The following SLC16A7 variants were observed in gnomAD, a reference collection of about 807,000 sequenced individuals.
SLC16A7 encodes the protein monocarboxylate transporter 2.
In SLC16A7, 33 loss-of-function variants were observed where a neutral mutation model predicts 34.9. The ratio of observed to expected loss-of-function variants is 0.94; its 90% confidence interval spans 0.72 to 1.26. SLC16A7 has a LOEUF of 1.26. Ranked by LOEUF, SLC16A7 falls within the 50% of genes most tolerant of loss-of-function variation. The probability of loss-of-function intolerance (pLI) is 0.00; values close to 1 mark genes in which losing one functional copy is unlikely to be tolerated. For missense variants in SLC16A7, 573 were observed against 578.1 expected, an observed-to-expected ratio of 0.99 and a Z score of 0.09; for synonymous variants, 201 against 206.6, an observed-to-expected ratio of 0.97 and a Z score of 0.23.
intron 3 of SLC16A7, among the ~76,000 whole-genome samples, chr12:59,750,423 A>G (rs988687215): frequency 6.6e-6 from 1 of 152,260 alleles, no homozygotes; most frequent in Non-Finnish European, 1.5e-5. Context: ...ACACTTCTCA[A>G]AAGAAGACAT....
At position 59,786,091 on chromosome 12, in the gene SLC16A7, C is replaced by T. The variant is rs1192058293; in HGVS notation, c.*6412C>T. ...GGGAGATATACCTAATGCTAGGTGA[C>T]GAGTTAGTGGGTGCAGCGCACCAGC... On this transcript the variant is annotated 3_prime_UTR_variant, in exon 6 of 6. Coordinates refer to ENST00000547379, the MANE Select transcript of SLC16A7 (RefSeq NM_001270623.2). 3 of 150,720 alleles carry T rather than the reference C, an allele frequency of 2.0e-5. No individual in the cohort carries two copies. The highest frequency in any genetic ancestry group is 6.6e-5 in the Admixed American group (1 of 15,128). The allele number at this position is 150,720 out of a possible 1,614,324, so 9.3% of individuals were successfully genotyped here. A position where few individuals can be genotyped will look rare whatever the true frequency, so the allele number is the denominator to read the frequency against.
At chr12:59,657,431 C>G (rs1296103198) in intron 2 of SLC16A7, among the ~76,000 whole-genome samples, 1 of 151,898 alleles carries the variant, frequency 6.6e-6, no homozygotes, top group Non-Finnish European at 1.5e-5. Flanking sequence ...ACTACTTAAG[C>G]ATGTGAATAT....
Position 59,774,654 on chromosome 12 carries a change from T to C in SLC16A7, c.362-3T>C. On this transcript the variant is annotated splice_region_variant and splice_polypyrimidine_tract_variant and intron_variant, in intron 4 of 5. Coordinates refer to ENST00000547379, the MANE Select transcript of SLC16A7 (RefSeq NM_001270623.2). ...TCCCCCACTTTTGTTTTGTTCTTTT[T>C]AGGTTTAGGTTTAGCCTTCAACCTG... The C allele has an allele frequency of 6.5e-7, 1 of 1,547,904 alleles. No homozygotes were observed. The highest frequency in any genetic ancestry group is 8.7e-7 in the Non-Finnish European group (1 of 1,148,298).
chr12:59,611,657 C>T (rs1879198815), intron 1 of SLC16A7, among the ~76,000 whole-genome samples: 1 of 152,172 alleles, frequency 6.6e-6, no homozygotes, highest in Non-Finnish European at 1.5e-5. Context: ...CAAGGCAATC[C>T]TTTCTGTCTA....
chr12:59,775,046 C>G lies in SLC16A7; in HGVS notation c.751C>G (p.Leu251Val), dbSNP rs1421016288. 52 of 1,613,922 alleles carry G rather than the reference C, an allele frequency of 3.2e-5. No homozygotes were observed. The highest frequency in any genetic ancestry group is 4.4e-5 in the Non-Finnish European group (52 of 1,179,978). The change falls in exon 5 of 6, where the codon CTG (leucine) becomes GTG (valine). Residue 251 changes from leucine (L) to valine (V), a missense_variant. Coordinates refer to ENST00000547379, the MANE Select transcript of SLC16A7 (RefSeq NM_001270623.2). ...LFKHRGFLIY[L>V]SGNVIMFLGF... ...TAAGCATAGAGGATTTCTGATATAT[C>G]TGTCTGGAAATGTCATTATGTTCCT...
chr12:59,766,204 T>G (rs1454240047), intron 3 of SLC16A7, among the ~76,000 whole-genome samples: 1 of 152,224 alleles, frequency 6.6e-6, no homozygotes. Context: ...TTGCTGAAGT[T>G]GCTTATCAGC....
Position 59,780,436 on chromosome 12 carries a change from T to C in SLC16A7, c.*757T>C, listed in dbSNP as rs866468455. On this transcript the variant is annotated 3_prime_UTR_variant, in exon 6 of 6. Coordinates refer to ENST00000547379, the MANE Select transcript of SLC16A7 (RefSeq NM_001270623.2). ...CATTAAATCTGAGCACTGTTAGACT[T>C]GATTAATCCATGCACATGATTTTTT... is the stretch of plus-strand genomic sequence containing the variant. 2.0e-5 allele frequency: 3 copies of C among 152,206 alleles called. No homozygotes were observed. Among genetic ancestry groups the C allele is most frequent in the Non-Finnish European group, 2.9e-5 (2 of 68,000 alleles). 9.4% of individuals were successfully genotyped at this position (152,206 alleles called of 1,614,324 possible).
intron 1 of SLC16A7, among the ~76,000 whole-genome samples, chr12:59,648,922 G>A (rs1868296212): frequency 6.6e-6 from 1 of 152,060 alleles, no homozygotes; most frequent in Admixed American, 6.6e-5. Context: ...GATTTTGGTG[G>A]GATTTTGGAA....
chr12:59,757,215 C>G (rs1266783670), intron 3 of SLC16A7, among the ~76,000 whole-genome samples: 3 of 151,122 alleles, frequency 2.0e-5, no homozygotes, highest in Admixed American at 1.3e-4. Context: ...ATGTAACTAA[C>G]CTGCACATTG....
rs1295635456 is a variant in SLC16A7 at position 59,785,645 on chromosome 12, G to A, written c.*5966G>A. On this transcript the variant is annotated 3_prime_UTR_variant, in exon 6 of 6. Transcript: ENST00000547379. ...TTGGTATAGTTAGTTACACTTGTTT[G>A]CATGATCTACATGTTTTTCAGTCTC... 1 of 151,870 alleles carries A rather than the reference G, an allele frequency of 6.6e-6. No homozygotes were observed. Among genetic ancestry groups the A allele is most frequent in the Admixed American group, 6.6e-5 (1 of 15,244 alleles). 9.4% of individuals were successfully genotyped at this position (151,870 alleles called of 1,614,324 possible).
At chr12:59,628,922 C>T (rs552013689) in intron 1 of SLC16A7, among the ~76,000 whole-genome samples, 68 of 151,806 alleles carry the variant, frequency 4.5e-4, no homozygotes, top group East Asian at 2.7e-3. Context: ...ATCTGGTCGG[C>T]GTGGGCTGCT....
intron 1 of SLC16A7, among the ~76,000 whole-genome samples, chr12:59,616,369 A>G (rs12309967): frequency 0.018 from 2,689 of 152,292 alleles, 38 homozygotes; most frequent in Middle Eastern, 0.051. Flanking sequence ...CAATTAAAAA[A>G]TCATTTGTCA....
chr12:59,739,275 T>G (rs1878000884), intron 3 of SLC16A7, among the ~76,000 whole-genome samples: 2 of 139,044 alleles, frequency 1.4e-5, no homozygotes, highest in South Asian at 4.7e-4. Context: ...TTCCCACCTA[T>G]GAGTGAGAAT....
intron 2 of SLC16A7, among the ~76,000 whole-genome samples, chr12:59,670,559 C>T (rs1162225462): frequency 6.6e-6 from 1 of 152,062 alleles, no homozygotes; most frequent in Non-Finnish European, 1.5e-5. Flanking sequence ...GGGGTACAGC[C>T]CATCCCAGAG....
rs1798217433 is a variant in SLC16A7 at position 59,787,423 on chromosome 12, A to T, written c.*7744A>T. Reference sequence around the variant, plus strand: ...AAATCCATAACAGCTGTCTGGCAACAGTGTAATTAGAGCTTCTTTTATGTT... The same window carrying T: ...AAATCCATAACAGCTGTCTGGCAACTGTGTAATTAGAGCTTCTTTTATGTT... On this transcript the variant is annotated 3_prime_UTR_variant, in exon 6 of 6. Transcript: ENST00000547379. 1 of 152,176 alleles carries T rather than the reference A, an allele frequency of 6.6e-6. No individual in the cohort carries two copies. Among genetic ancestry groups the T allele is most frequent in the Non-Finnish European group, 1.5e-5 (1 of 68,020 alleles). 9.4% of individuals were successfully genotyped at this position (152,176 alleles called of 1,614,324 possible).
intron 1 of SLC16A7, among the ~76,000 whole-genome samples, chr12:59,642,601 A>G (rs1880734828): frequency 6.6e-6 from 1 of 152,094 alleles, no homozygotes; most frequent in Non-Finnish European, 1.5e-5. Context: ...CTGATTCTTC[A>G]TGCAGAAGAT....
intron 2 of SLC16A7, among the ~76,000 whole-genome samples, chr12:59,694,107 A>G (rs1871992401): frequency 6.6e-6 from 1 of 151,962 alleles, no homozygotes; most frequent in Non-Finnish European, 1.5e-5. Context: ...ATCATATGGC[A>G]TGTGTGTGAT....
At position 59,607,449 on chromosome 12, in the gene SLC16A7, G is replaced by A. The variant is rs148427778; in HGVS notation, c.-130+11213G>A. On this transcript the variant is annotated intron_variant, in intron 1 of 5. Transcript: ENST00000547379. ...AATATTTTTTGTAAGCATCTGGGAC[G>A]CTGATTCTTAAACTTGATGAAACAT... 7.5e-4 allele frequency among the ~76,000 whole-genome samples: 114 copies of A among 152,190 alleles called. 1 individual carries two copies. The East Asian group carries it at 0.018, about 23-fold the overall frequency.
intron 5 of SLC16A7, among the ~76,000 whole-genome samples, chr12:59,778,013 T>C (rs190089041): frequency 2.8e-3 from 419 of 152,186 alleles, no homozygotes; most frequent in Non-Finnish European, 4.5e-3. Flanking sequence ...TAGTATTCCA[T>C]GGTGTATATG....
Sources: gnomAD v4.1 joint callset for allele counts (sites outside exome capture counted in the v4.1 genomes callset) on GRCh38, gnomAD v4.1.1 for gene constraint, MANE v1.5 for transcripts, NCBI Gene and HGNC (gene_info 2026-07-23, HGNC 2026-07-21) for gene names.